Variants in TCERG1 observed in about 807,000 individuals in gnomAD.
TCERG1 encodes TATA box binding protein (TBP)-associated factor, RNA polymerase II, S, 150kD.
A neutral mutation model predicts 144.7 loss-of-function variants in TCERG1; 37 were observed. The observed-to-expected ratio is 0.26, with a 90% CI of 0.20 to 0.34. TCERG1 has a LOEUF of 0.34. Ranked by LOEUF, TCERG1 falls within the 10% of genes least tolerant of loss-of-function variation. The pLI is 1.00. For missense variants in TCERG1, 1,027 were observed against 1,380.7 expected, an observed-to-expected ratio of 0.74 and a Z score of 4.06; for synonymous variants, 492 against 458.2, an observed-to-expected ratio of 1.07 and a Z score of -0.94.
chr5:146,448,431 G>A (rs1762082196), intron 1 of TCERG1, among the ~76,000 whole-genome samples: 2 of 152,210 alleles, frequency 1.3e-5, no homozygotes, highest in Non-Finnish European at 2.9e-5. Flanking sequence ...TTGAGGAAAA[G>A]AGGTATTATG....
chr5:146,507,868 C>T lies in TCERG1; in HGVS notation c.2962-5C>T. ...TTTATGTTTTTTATTCATGTCTTTT[C>T]AAAGATTACCTTAACATCCACGTGG... On this transcript the variant is annotated splice_region_variant and splice_polypyrimidine_tract_variant and intron_variant, in intron 20 of 22. Transcript: ENST00000679501. The surrounding 1 kb of genome is among the most constrained non-coding windows in gnomAD (Gnocchi z 4.6). 1 of 1,599,566 alleles carries T rather than the reference C, an allele frequency of 6.3e-7. No individual in the cohort carries two copies. The highest frequency in any genetic ancestry group is 2.2e-5 in the East Asian group (1 of 44,652).
Position 146,471,376 on chromosome 5 carries a change from C to G in TCERG1, c.1513-112C>G, listed in dbSNP as rs910233071. On this transcript the variant is annotated intron_variant, in intron 8 of 22. Transcript: ENST00000679501. ...TTCCTACTCAGAGTCTCCTCTTATT[C>G]TAGCAGCAGATTTTGTGTTGATTGC... The G allele has an allele frequency of 1.0e-5, 9 of 902,972 alleles. No individual in the cohort carries two copies. In the East Asian group the frequency reaches 2.4e-4, roughly 24 times the overall value. 55.9% of individuals were successfully genotyped at this position (902,972 alleles called of 1,614,324 possible). A position where few individuals can be genotyped will look rare whatever the true frequency, so the allele number is the denominator to read the frequency against.
At chr5:146,454,221 A>AGAAAG (rs1554094287) in intron 1 of TCERG1, among the ~76,000 whole-genome samples, 18 of 151,766 alleles carry the variant, frequency 1.2e-4, no homozygotes, top group Admixed American at 6.6e-5. Flanking sequence ...AGAAAAGAAA[A>AGAAAG]GAAAGAACAT....
chr5:146,509,121 C>T, intron 21 of TCERG1, 24 bp from the exon 22 acceptor site: 1 of 1,377,202 alleles, frequency 7.3e-7, no homozygotes, highest in Non-Finnish European at 1.0e-6. Flanking sequence ...TCCATAATCT[C>T]AACTTTTTTT....
intron 3 of TCERG1, among the ~76,000 whole-genome samples, chr5:146,458,502 T>G (rs1763028134): frequency 6.6e-6 from 1 of 151,316 alleles, no homozygotes; most frequent in South Asian, 2.1e-4. Context: ...AGATGGAGTC[T>G]CCCTCTGTCA....
intron 15 of TCERG1, among the ~76,000 whole-genome samples, chr5:146,485,569 A>G (rs74328004): frequency 2.6e-3 from 395 of 152,350 alleles, no homozygotes; most frequent in African/African-American, 8.1e-3. Context: ...GAAGCATTCT[A>G]TAAGCTGATG....
chr5:146,472,917 A>C (rs1764475820), intron 9 of TCERG1, among the ~76,000 whole-genome samples: 1 of 152,096 alleles, frequency 6.6e-6, no homozygotes, highest in South Asian at 2.1e-4. Context: ...GTTTCACCGT[A>C]TTAGCCAGGA....
rs187106336 is a variant in TCERG1, at chr5:146,487,824, C to T, written c.2163+4195C>T. ...CCTAAGCAAAAAGAACAAAGCTGGA[C>T]GTATCGTAGTACCAGACTTCAAAAT... On this transcript the variant is annotated intron_variant, in intron 15 of 22. Coordinates refer to ENST00000679501, the MANE Select transcript of TCERG1 (RefSeq NM_001382548.1). 6.7e-4 allele frequency among the ~76,000 whole-genome samples: 102 copies of T among 151,588 alleles called. 1 individual carries two copies. Among genetic ancestry groups the T allele is most frequent in the Middle Eastern group, 3.5e-3 (1 of 288 alleles).
rs1561714338 is a variant in TCERG1, at chr5:146,510,519, A to G, written c.3225A>G (p.Leu1075=). ...EKILQNDKRY[L]VLDCVPEERR... The stretch of plus-strand genomic sequence containing the variant: ...TTTTACAGAATGACAAACGGTATCT[A>G]GTACTGGACTGTGTGCCAGAGGAGA... The change falls in exon 23 of 23, where the codon CTA becomes CTG. Residue 1075 remains leucine, a synonymous_variant. Transcript: ENST00000679501. 3.7e-6 allele frequency: 6 copies of G among 1,614,158 alleles called. No homozygotes were observed. Among genetic ancestry groups the G allele is most frequent in the Non-Finnish European group, 5.1e-6 (6 of 1,180,016 alleles).
intron 1 of TCERG1, among the ~76,000 whole-genome samples, chr5:146,449,945 A>C (rs976362363): frequency 1.5e-5 from 2 of 137,764 alleles, no homozygotes; most frequent in Non-Finnish European, 3.1e-5. Context: ...GCCTTAAGAA[A>C]ATATTTTTCT....
intron 1 of TCERG1, among the ~76,000 whole-genome samples, chr5:146,451,906 A>G (rs567868326): frequency 8.0e-5 from 12 of 150,020 alleles, no homozygotes; most frequent in Middle Eastern, 3.4e-3. Context: ...TCATGCCTCA[A>G]CCTCTCAAGT....
intron 9 of TCERG1, among the ~76,000 whole-genome samples, chr5:146,477,441 A>G (rs1485080310): frequency 6.6e-6 from 1 of 152,150 alleles, no homozygotes; most frequent in East Asian, 1.9e-4. Context: ...CTGCAACCAG[A>G]GATCACCCTC....
At chr5:146,447,527 C>T (rs1173032453) in intron 1 of TCERG1, 119 bp downstream of exon 1, 5 of 1,335,724 alleles carry the variant, frequency 3.7e-6, no homozygotes, top group Non-Finnish European at 5.1e-6. Context: ...CGGCCCGGGC[C>T]GGGACCGCAT....
Position 146,481,210 on chromosome 5 carries a change from TA to T in TCERG1, c.1937+14del. On this transcript the variant is annotated intron_variant, in intron 13 of 22. Transcript: ENST00000679501. ...GAGCTTCTCTATTTAGGTACAAAGC[TA>T]AAAGCCTGTTTTTCCTGGCTTAGTT... is the stretch of plus-strand genomic sequence containing the variant. 2.0e-6 allele frequency: 2 copies of T among 984,882 alleles called. No homozygotes were observed. The highest frequency in any genetic ancestry group is 2.4e-6 in the Non-Finnish European group (2 of 829,492). 61.0% of individuals were successfully genotyped at this position (984,882 alleles called of 1,614,324 possible).
At chr5:146,475,385 T>G (rs762703575) in intron 9 of TCERG1, among the ~76,000 whole-genome samples, 1 of 152,142 alleles carries the variant, frequency 6.6e-6, no homozygotes, top group Non-Finnish European at 1.5e-5. Flanking sequence ...TTGCCCCTAG[T>G]GGACGTTTGG....
At chr5:146,447,551 G>T in intron 1 of TCERG1, 143 bp downstream of exon 1, 1 of 1,065,540 alleles carries the variant, frequency 9.4e-7, no homozygotes. Context: ...GTTTAAGAAG[G>T]GGGAAGGGGA....
At chr5:146,472,903 T>TG (rs1355983858) in intron 9 of TCERG1, among the ~76,000 whole-genome samples, 7 of 152,076 alleles carry the variant, frequency 4.6e-5, no homozygotes, top group Non-Finnish European at 1.0e-4. Flanking sequence ...TTAGTAGAGA[T>TG]GGGGTTTCAC....
intron 15 of TCERG1, among the ~76,000 whole-genome samples, chr5:146,485,519 G>A (rs1445220255): frequency 6.6e-6 from 1 of 152,114 alleles, no homozygotes; most frequent in Admixed American, 6.5e-5. Flanking sequence ...AGTGAAATTA[G>A]AAGTAACATA....
At chr5:146,465,625 C>T in intron 5 of TCERG1, among the ~76,000 whole-genome samples, 1 of 152,106 alleles carries the variant, frequency 6.6e-6, no homozygotes, top group East Asian at 1.9e-4. Context: ...TGAAGTTTGG[C>T]AGTAGAAGTC....
Sources: gnomAD v4.1 joint callset for allele counts (sites outside exome capture counted in the v4.1 genomes callset) on GRCh38, gnomAD v4.1.1 for gene constraint, Gnocchi (gnomAD v3.1) non-coding constraint, MANE v1.5 for transcripts, NCBI Gene and HGNC (gene_info 2026-07-23, HGNC 2026-07-21) for gene names.